ADAM23: variants seen among roughly 807,000 people sequenced by gnomAD.
ADAM23 encodes the protein ADAM metallopeptidase domain 23, also known as disintegrin and metalloproteinase domain-containing protein 23.
Under a neutral mutation model 120.1 loss-of-function variants are expected in ADAM23, and 33 were observed. The ratio of observed to expected loss-of-function variants is 0.27; its 90% CI spans 0.21 to 0.37. ADAM23 has a LOEUF of 0.37. ADAM23 is among the 10% of genes least tolerant of loss of function. The probability of loss-of-function intolerance (pLI) is 1.00; values close to 1 mark genes in which losing one functional copy is unlikely to be tolerated. For synonymous variants in ADAM23, 367 were observed against 375.2 expected, an observed-to-expected ratio of 0.98 and a Z score of 0.25; for missense variants, 862 against 1,058.2, an observed-to-expected ratio of 0.81 and a Z score of 2.57.
chr2:206,485,671 A>T (rs752033135), intron 3 of ADAM23, among the ~76,000 whole-genome samples: 1 of 152,238 alleles, frequency 6.6e-6, no homozygotes, highest in Non-Finnish European at 1.5e-5. Flanking sequence ...AGCATCTGCT[A>T]TGTGCCTCTG....
chr2:206,488,667 C>A (rs1230937568), intron 3 of ADAM23, among the ~76,000 whole-genome samples: 3 of 152,174 alleles, frequency 2.0e-5, no homozygotes, highest in Non-Finnish European at 2.9e-5. Flanking sequence ...ACTTTACTAC[C>A]TCCTCCTGGG....
intron 3 of ADAM23, among the ~76,000 whole-genome samples, chr2:206,499,498 T>A (rs1270744253): frequency 1.8e-5 from 1 of 55,860 alleles, no homozygotes; most frequent in Non-Finnish European, 3.5e-5. Context: ...TGTTGTGGGG[T>A]GGGGGGAGGG....
chr2:206,453,388 ATCAG>A (rs1695235695), intron 2 of ADAM23, among the ~76,000 whole-genome samples: 1 of 152,234 alleles, frequency 6.6e-6, no homozygotes, highest in African/African-American at 2.4e-5. Flanking sequence ...CTTGTAGAAT[ATCAG>A]TTTTCTAAAT....
At chr2:206,596,030 T>C in intron 23 of ADAM23, 21 bp from the exon 24 acceptor site, 2 of 1,576,786 alleles carry the variant, frequency 1.3e-6, no homozygotes, top group Non-Finnish European at 1.7e-6. Context: ...AAATGCCATA[T>C]CTGTTCCTTT....
intron 2 of ADAM23, among the ~76,000 whole-genome samples, chr2:206,478,409 T>C (rs888992423): frequency 6.8e-6 from 1 of 146,658 alleles, no homozygotes; most frequent in East Asian, 2.0e-4. Context: ...TAAAATCAGG[T>C]TTTTTTTTTC....
intron 24 of ADAM23, among the ~76,000 whole-genome samples, chr2:206,608,753 A>G (rs111931375): frequency 9.9e-4 from 151 of 152,216 alleles, no homozygotes; most frequent in African/African-American, 3.4e-3. Context: ...AAAACACATT[A>G]TGCATGCAAT....
intron 2 of ADAM23, among the ~76,000 whole-genome samples, chr2:206,480,461 CT>C (rs112352748): frequency 0.017 from 2,223 of 131,520 alleles, 24 homozygotes; most frequent in African/African-American, 0.039. Flanking sequence ...TAGCCTTGTT[CT>C]TTTTTTTTTT....
intron 2 of ADAM23, among the ~76,000 whole-genome samples, chr2:206,470,085 C>T (rs1258241341): frequency 6.6e-6 from 1 of 152,094 alleles, no homozygotes; most frequent in African/African-American, 2.4e-5. Context: ...ACAAAACACA[C>T]ACCCTAAAAT....
intron 3 of ADAM23, among the ~76,000 whole-genome samples, chr2:206,501,554 A>G (rs531021423): frequency 4.6e-5 from 7 of 152,246 alleles, no homozygotes; most frequent in African/African-American, 1.7e-4. Context: ...AATACAGATC[A>G]TTTTCCAAGA....
chr2:206,613,011 A>T (rs1698864583), intron 25 of ADAM23, among the ~76,000 whole-genome samples: 1 of 152,188 alleles, frequency 6.6e-6, no homozygotes, highest in African/African-American at 2.4e-5. Context: ...ATTTTTAAAA[A>T]ATATTGTCAC....
intron 16 of ADAM23, 73 bp downstream of exon 16, chr2:206,570,884 G>A (rs1442070040): frequency 1.5e-6 from 2 of 1,306,334 alleles, no homozygotes; most frequent in Non-Finnish European, 2.2e-6. Context: ...ATTTGTGAGA[G>A]GCCAGCACAT....
Position 206,571,819 on chromosome 2 carries a change from G to A in ADAM23, c.1656+3G>A. 6.2e-7 allele frequency: 1 copy of A among 1,611,910 alleles called. No homozygotes were observed. The highest frequency in any genetic ancestry group is 8.5e-7 in the Non-Finnish European group (1 of 1,178,036). ...GCTGTAACAATACCTCATGTCTTGT[G>A]AGTTTTCTGACAGTTTCATCTTTCT... is the stretch of plus-strand genomic sequence containing the variant. On this transcript the variant is annotated splice_donor_region_variant and intron_variant, in intron 17 of 25. Coordinates refer to ENST00000264377, the MANE Select transcript of ADAM23 (RefSeq NM_003812.4).
At chr2:206,581,946 C>T (rs1271266349) in intron 18 of ADAM23, among the ~76,000 whole-genome samples, 6 of 151,886 alleles carry the variant, frequency 4.0e-5, no homozygotes, top group Non-Finnish European at 8.8e-5. Flanking sequence ...GGTGCGATCT[C>T]GGCTCACTGC....
intron 23 of ADAM23, among the ~76,000 whole-genome samples, chr2:206,595,802 ATAAT>A: frequency 8.0e-6 from 1 of 124,624 alleles, no homozygotes; most frequent in South Asian, 2.2e-4. Flanking sequence ...ATAATAATAA[ATAAT>A]AAGATAAATA....
chr2:206,510,655 C>T (rs1696604976), intron 3 of ADAM23, among the ~76,000 whole-genome samples: 1 of 152,156 alleles, frequency 6.6e-6, no homozygotes, highest in Non-Finnish European at 1.5e-5. Context: ...TGTTGTATTT[C>T]ATGAGTTCTT....
chr2:206,549,535 G>A (rs1697469896), intron 8 of ADAM23, among the ~76,000 whole-genome samples: 1 of 151,844 alleles, frequency 6.6e-6, no homozygotes, highest in Non-Finnish European at 1.5e-5. Flanking sequence ...TGTAATAATT[G>A]CCAATATTTT....
intron 4 of ADAM23, among the ~76,000 whole-genome samples, chr2:206,539,892 A>G (rs1697255583): frequency 6.6e-6 from 1 of 152,236 alleles, no homozygotes; most frequent in Non-Finnish European, 1.5e-5. Flanking sequence ...TAGTACTAAT[A>G]TTAAATTGGA....
rs373418209 is a variant in ADAM23 at position 206,596,117 on chromosome 2, G to T, written c.2314G>T (p.Asp772Tyr). The change falls in exon 24 of 26, where the codon GAT (aspartate) becomes TAT (tyrosine). Residue 772 changes from aspartate (D) to tyrosine (Y), a missense_variant. Physicochemically the swap from Asp to Tyr is radical, Grantham distance 160. Coordinates refer to ENST00000264377, the MANE Select transcript of ADAM23 (RefSeq NM_003812.4). The part of the protein sequence containing the change: ...TWAGTDCSIR[D>Y]PVRNLHPPKD... ...GGCAGGGACAGATTGCAGTATCCGGGATCCAGTTAGGAACCTTCACCCCCC... is the reference window on the plus strand; with the variant it reads ...GGCAGGGACAGATTGCAGTATCCGGTATCCAGTTAGGAACCTTCACCCCCC... 83 of 1,613,918 alleles carry T rather than the reference G, an allele frequency of 5.1e-5. No homozygotes were observed. The highest frequency in any genetic ancestry group is 6.9e-5 in the Non-Finnish European group (82 of 1,180,008).
At chr2:206,587,713 GA>G (rs1194664781) in intron 19 of ADAM23, among the ~76,000 whole-genome samples, 1 of 151,838 alleles carries the variant, frequency 6.6e-6, no homozygotes, top group African/African-American at 2.4e-5. Flanking sequence ...TTTTTCCCCT[GA>G]AGCCATATTA....
Sources: allele counts gnomAD v4.1 joint callset (sites outside exome capture counted in the v4.1 genomes callset), GRCh38; gene constraint gnomAD v4.1.1; transcripts MANE v1.5; gene names NCBI Gene and HGNC (gene_info 2026-07-23, HGNC 2026-07-21).